Variants in CYP3A4 observed in about 807,000 individuals in gnomAD.
CYP3A4 encodes the protein cytochrome P450 family 3 subfamily A member 4.
In CYP3A4, 41 loss-of-function variants were observed where a neutral mutation model predicts 54.9. The ratio of observed to expected loss-of-function variants is 0.75; its 90% CI spans 0.58 to 0.97. The LOEUF (loss-of-function observed/expected upper bound fraction) is 0.97. Ranked by LOEUF, CYP3A4 falls within the 50% of genes least tolerant of loss-of-function variation. The pLI is 0.00. For missense variants in CYP3A4, 510 were observed against 597.3 expected (o/e 0.85, Z 1.52); for synonymous variants, 179 against 205.2 (o/e 0.87, Z 1.09).
Position 99,780,090 on chromosome 7 carries a change from A to G in CYP3A4, c.72-5T>C. 3.7e-6 allele frequency: 6 copies of G among 1,611,228 alleles called. No homozygotes were observed. The highest frequency in any genetic ancestry group is 5.1e-6 in the Non-Finnish European group (6 of 1,177,554). ...CCATGTGAATGGGTTCCATATCTAC[A>G]AAGTGAAACAGAAATCAAGTCACAG... On this transcript the variant is annotated splice_region_variant and splice_polypyrimidine_tract_variant and intron_variant, in intron 1 of 12. Coordinates refer to ENST00000651514, the MANE Select transcript of CYP3A4 (RefSeq NM_017460.6).
rs752986599 is a variant in CYP3A4 at position 99,767,190 on chromosome 7, T to C, written c.739A>G (p.Asn247Asp). The C allele has an allele frequency of 1.2e-5, 19 of 1,611,518 alleles. No homozygotes were observed. Among genetic ancestry groups the C allele is most frequent in the Non-Finnish European group, 1.6e-5 (19 of 1,178,304 alleles). ...CTTTTTACAGATTTTCTTAAAAAAT[T>C]TGTAACTTCTCTTGGAAACACACAG... ...NICVFPREVT[N>D]FLRKSVKRMK... Residue 247 changes from asparagine (N) to aspartate (D), a missense_variant, in exon 8 of 13, where the codon AAT (asparagine) becomes GAT (aspartate). Physicochemically the swap from Asn to Asp is conservative, Grantham distance 23. Coordinates refer to ENST00000651514, the MANE Select transcript of CYP3A4 (RefSeq NM_017460.6).
rs370772300 is a variant in CYP3A4 at position 99,760,820 on chromosome 7, T to C, written c.1415A>G (p.Gln472Arg). The change falls in exon 12 of 13, where the codon CAG becomes CGG. Residue 472 changes from glutamine to arginine, a missense_variant and splice_region_variant. Physicochemically the swap from Gln to Arg is conservative, Grantham distance 43 (BLOSUM62 1). Coordinates refer to ENST00000651514, the MANE Select transcript of CYP3A4 (RefSeq NM_017460.6). Reference protein sequence around the residue: ...NFSFKPCKETQIPLKLSLGGL... With the variant: ...NFSFKPCKETRIPLKLSLGGL... ...TATTTTTATAGAAAATTGACTAACC[T>C]GTGTTTCTTTACAAGGTTTGAAGGA... 2.5e-6 allele frequency: 4 copies of C among 1,613,714 alleles called. No homozygotes were observed. In the African/African-American group the frequency reaches 5.3e-5, roughly 22 times the overall value.
intron 9 of CYP3A4, 110 bp downstream of exon 9, chr7:99,766,267 C>G (rs1168858633): frequency 9.2e-6 from 12 of 1,309,010 alleles, no homozygotes; most frequent in Non-Finnish European, 1.3e-5. Flanking sequence ...ATGTGTCGTT[C>G]TGCTATGTGG....
Position 99,770,349 on chromosome 7 carries a change from T to G in CYP3A4, c.319-114A>C, listed in dbSNP as rs1815599680. ...CAACAACTATTTAGTGACTGTCTAC[T>G]GGGTGATGGGCCCTATGCTAGATGC... On this transcript the variant is annotated intron_variant, in intron 4 of 12. Coordinates refer to ENST00000651514, the MANE Select transcript of CYP3A4 (RefSeq NM_017460.6). The G allele has an allele frequency of 6.8e-5, 52 of 766,136 alleles. No homozygotes were observed. The South Asian group carries it at 7.5e-4, about 11-fold the overall frequency. The allele number at this position is 766,136 out of a possible 1,614,324, so 47.5% of individuals were successfully genotyped here. A position where few individuals can be genotyped will look rare whatever the true frequency, so the allele number is the denominator to read the frequency against.
intron 1 of CYP3A4, among the ~76,000 whole-genome samples, chr7:99,780,655 C>T (rs1343623239): frequency 1.3e-5 from 2 of 152,138 alleles, no homozygotes; most frequent in Admixed American, 6.5e-5. Context: ...CTTCTTAAAC[C>T]GTCATTCACA....
intron 8 of CYP3A4, chr7:99,766,688 G>A: frequency 1.9e-6 from 1 of 528,216 alleles, no homozygotes; most frequent in Admixed American, 3.4e-5. Context: ...CTACACTTCA[G>A]CAGGTGGCCT....
intron 12 of CYP3A4, among the ~76,000 whole-genome samples, chr7:99,760,489 A>G (rs951993003): frequency 2.0e-5 from 3 of 152,140 alleles, no homozygotes; most frequent in Non-Finnish European, 2.9e-5. Flanking sequence ...AGTCACAACA[A>G]GGTAATCATT....
rs535650826 is a variant in CYP3A4 at position 99,756,978 on chromosome 7, A to G, written c.*1155T>C. On this transcript the variant is annotated 3_prime_UTR_variant, in exon 13 of 13. Transcript: ENST00000651514. ...TGCTTTTAGGCTTATTGCTCAATCAATTGACCAATCGACTGTTTTTTATTA... is the reference window on the plus strand; with the variant it reads ...TGCTTTTAGGCTTATTGCTCAATCAGTTGACCAATCGACTGTTTTTTATTA... 2 of 152,310 alleles carry G rather than the reference A, an allele frequency of 1.3e-5. No homozygotes were observed. The highest frequency in any genetic ancestry group is 2.1e-4 in the South Asian group (1 of 4,820). The allele number at this position is 152,310 out of a possible 1,614,324, so 9.4% of individuals were successfully genotyped here.
In CYP3A4 at chr7:99,771,503, T is replaced by C. The variant is rs149827186; in HGVS notation, c.318+1087A>G. Among the ~76,000 whole-genome samples, 513 of 152,274 alleles carry C rather than the reference T, an allele frequency of 3.4e-3. 2 individuals carry two copies. The highest frequency in any genetic ancestry group is 0.011 in the African/African-American group (469 of 41,562). ...GGAGAGGCATACTATGTTCATGAAT[T>C]GAAAGATCAAACAGTAAAGATACAC... On this transcript the variant is annotated intron_variant, in intron 4 of 12. Transcript: ENST00000651514.
At chr7:99,758,366 CA>C (rs1212531797) in intron 12 of CYP3A4, 138 bp from the exon 13 acceptor site, 159 of 935,868 alleles carry the variant, frequency 1.7e-4, no homozygotes, top group Admixed American at 3.8e-4. Context: ...GAGTAATGGG[CA>C]AAAAAAATGC....
intron 3 of CYP3A4, among the ~76,000 whole-genome samples, chr7:99,775,817 G>T (rs143822252): frequency 2.6e-5 from 4 of 152,262 alleles, no homozygotes; most frequent in African/African-American, 4.8e-5. Context: ...AAAAGCAATG[G>T]CAACAAAAGC....
chr7:99,764,793 A>G (rs1815434623), intron 9 of CYP3A4, among the ~76,000 whole-genome samples: 1 of 152,206 alleles, frequency 6.6e-6, no homozygotes, highest in Non-Finnish European at 1.5e-5. Context: ...GAGATGGACA[A>G]AAAGCTAGAT....
intron 7 of CYP3A4, among the ~76,000 whole-genome samples, chr7:99,767,799 T>C (rs1815512735): frequency 2.0e-5 from 3 of 152,156 alleles, no homozygotes; most frequent in Admixed American, 2.0e-4. Flanking sequence ...GAAACTGTTT[T>C]GAGGTGAACA....
intron 1 of CYP3A4, among the ~76,000 whole-genome samples, chr7:99,781,321 A>C (rs113817708): frequency 2.2e-4 from 33 of 152,090 alleles, no homozygotes; most frequent in African/African-American, 8.0e-4. Flanking sequence ...AAATACCCAG[A>C]CTCTGGTATT....
intron 1 of CYP3A4, among the ~76,000 whole-genome samples, chr7:99,781,816 G>C (rs185242252): frequency 4.1e-4 from 62 of 152,312 alleles, no homozygotes; most frequent in Admixed American, 1.6e-3. Flanking sequence ...TTCCACATAA[G>C]TAAACATAAA....
At chr7:99,768,866 C>T (rs531405613) in intron 6 of CYP3A4, among the ~76,000 whole-genome samples, 1 of 152,284 alleles carries the variant, frequency 6.6e-6, no homozygotes, top group Admixed American at 6.5e-5. Context: ...ATAATTAACT[C>T]TTCCTAAGGG....
Position 99,778,020 on chromosome 7 carries a change from A to C in CYP3A4, c.218+8T>G, listed in dbSNP as rs760671125. ...AGTCTATCCAATGGAAGTTTCCAGA[A>C]TACTCACCCCCACACTTTTCCATAC... On this transcript the variant is annotated splice_region_variant and intron_variant, in intron 3 of 12. Coordinates refer to ENST00000651514, the MANE Select transcript of CYP3A4 (RefSeq NM_017460.6). The C allele has an allele frequency of 5.0e-6, 8 of 1,611,670 alleles. No individual in the cohort carries two copies. The South Asian group carries it at 8.8e-5, about 18-fold the overall frequency.
chr7:99,760,862 C>T lies in CYP3A4; in HGVS notation c.1373G>A (p.Arg458Lys). ...TTTGAAGGAGAAGTTCTGAAGGACT[C>T]TGATTAGAGCAAGTTTCATGTTCAT... ...ALMNMKLALI[R>K]VLQNFSFKPC... Residue 458 changes from arginine (R) to lysine (K), a missense_variant, in exon 12 of 13, where the codon AGA becomes AAA. Around this residue, in one of 2 missense-constraint regions of CYP3A4, gnomAD observed 238 missense variants for 322.5 expected, o/e 0.74. Coordinates refer to ENST00000651514, the MANE Select transcript of CYP3A4 (RefSeq NM_017460.6). 1.2e-6 allele frequency: 2 copies of T among 1,614,118 alleles called. No individual in the cohort carries two copies. The highest frequency in any genetic ancestry group is 1.7e-4 in the Middle Eastern group (1 of 6,058).
intron 5 of CYP3A4, 131 bp downstream of exon 5, chr7:99,769,991 T>A: frequency 5.2e-6 from 8 of 1,551,204 alleles, no homozygotes; most frequent in Non-Finnish European, 7.1e-6. Flanking sequence ...TACATAAAGA[T>A]AAAAGACCAT....
Sources: gnomAD v4.1 joint callset for allele counts (sites outside exome capture counted in the v4.1 genomes callset) on GRCh38, gnomAD v4.1.1 for gene constraint, gnomAD v4.1.1 regional missense constraint, MANE v1.5 for transcripts, NCBI Gene and HGNC (gene_info 2026-07-23, HGNC 2026-07-21) for gene names.